Variants in BLTP1 observed in about 807,000 individuals in gnomAD.
BLTP1 encodes fragile site-associated protein.
the BLTP1 span, chr4:122,350,087 A>AG: frequency 6.2e-7 from 1 of 1,610,864 alleles, no homozygotes; most frequent in Non-Finnish European, 8.5e-7. Flanking sequence ...AAGAATTAGA[A>AG]GTAAGCTTTT....
the BLTP1 span, among the ~76,000 whole-genome samples, chr4:122,284,718 C>T: frequency 6.6e-6 from 1 of 152,176 alleles, no homozygotes; most frequent in African/African-American, 2.4e-5. Context: ...AAGATATTTA[C>T]AGAACTTTTG....
chr4:122,255,460 C>A, the BLTP1 span, among the ~76,000 whole-genome samples: 1 of 152,026 alleles, frequency 6.6e-6, no homozygotes, highest in Non-Finnish European at 1.5e-5. Flanking sequence ...AGCTGGCCAA[C>A]ATGGCAAAAC....
chr4:122,361,743 T>G, the BLTP1 span, among the ~76,000 whole-genome samples: 4 of 152,234 alleles, frequency 2.6e-5, no homozygotes, highest in Non-Finnish European at 5.9e-5. Flanking sequence ...TGTCCTTTTA[T>G]ATGTTTAAGA....
chr4:122,163,553 C>T, the BLTP1 span, among the ~76,000 whole-genome samples: 6 of 152,184 alleles, frequency 3.9e-5, no homozygotes, highest in Non-Finnish European at 1.5e-5. Flanking sequence ...ATGGGCAAGA[C>T]ACCAATAGCA....
the BLTP1 span, chr4:122,229,085 G>T: frequency 3.3e-6 from 5 of 1,516,708 alleles, no homozygotes; most frequent in South Asian, 6.5e-5. Flanking sequence ...TAAGTTGATG[G>T]TGATGATTTA....
the BLTP1 span, chr4:122,175,963 G>A: frequency 2.3e-5 from 21 of 931,584 alleles, no homozygotes; most frequent in Non-Finnish European, 3.6e-5. Context: ...ATATAATCAG[G>A]ATTTTATGAA....
chr4:122,250,595 A>G, the BLTP1 span: 14 of 1,602,114 alleles, frequency 8.7e-6, no homozygotes, highest in South Asian at 1.5e-4. Context: ...TCTAATAGTA[A>G]TAATAATGGT....
chr4:122,290,840 C>CACACACAT, the BLTP1 span: 1 of 140,572 alleles, frequency 7.1e-6, no homozygotes, highest in Non-Finnish European at 1.5e-5. Flanking sequence ...CACACACACA[C>CACACACAT]ACACACACAT....
the BLTP1 span, chr4:122,194,421 T>C: frequency 0.031 from 12,884 of 414,728 alleles, 275 homozygotes; most frequent in East Asian, 0.14. Context: ...GAAAATACTT[T>C]TCACATTATT....
the BLTP1 span, among the ~76,000 whole-genome samples, chr4:122,317,859 T>C: frequency 2.0e-5 from 3 of 152,172 alleles, no homozygotes; most frequent in Non-Finnish European, 4.4e-5. Flanking sequence ...ATGTAGAATT[T>C]TACATCCAGA....
At chr4:122,356,766 T>C in the BLTP1 span, 1 of 1,605,808 alleles carries the variant, frequency 6.2e-7, no homozygotes, top group Middle Eastern at 1.7e-4. Context: ...GTGGGTGGAA[T>C]ACTCTTTTTC....
At chr4:122,239,733 A>G in the BLTP1 span, 1 of 1,614,128 alleles carries the variant, frequency 6.2e-7, no homozygotes, top group Non-Finnish European at 8.5e-7. Flanking sequence ...AAGTGATGAG[A>G]ATGTACTAGA....
the BLTP1 span, chr4:122,261,846 A>G: frequency 1.0e-6 from 1 of 985,250 alleles, no homozygotes; most frequent in Non-Finnish European, 1.2e-6. Context: ...TCCTGTGTCA[A>G]CACCCTTCCT....
At chr4:122,249,449 T>A in the BLTP1 span, 1 of 1,605,072 alleles carries the variant, frequency 6.2e-7, no homozygotes, top group East Asian at 2.2e-5. Context: ...AGCTTATGTC[T>A]TTAAAAATGG....
the BLTP1 span, among the ~76,000 whole-genome samples, chr4:122,295,740 C>G: frequency 6.6e-6 from 1 of 152,110 alleles, no homozygotes; most frequent in Non-Finnish European, 1.5e-5. Context: ...AAAAGCTTAT[C>G]CACCACAATC....
chr4:122,339,552 C>A, the BLTP1 span: 2 of 597,050 alleles, frequency 3.3e-6, no homozygotes, highest in Non-Finnish European at 5.1e-6. Context: ...AAATCTATAG[C>A]AGACCAATGT....
the BLTP1 span, among the ~76,000 whole-genome samples, chr4:122,278,557 A>G: frequency 6.6e-6 from 1 of 152,198 alleles, no homozygotes; most frequent in Admixed American, 6.5e-5. Context: ...CTCTCTTAAT[A>G]AGCAGATGTT....
the BLTP1 span, chr4:122,246,668 T>TTG: frequency 2.5e-6 from 4 of 1,600,138 alleles, no homozygotes; most frequent in Non-Finnish European, 3.4e-6. Context: ...TTCTGAAATT[T>TTG]TGTGTGTGTG....
At chr4:122,248,688 A>T in the BLTP1 span, among the ~76,000 whole-genome samples, 3 of 152,068 alleles carry the variant, frequency 2.0e-5, no homozygotes, top group Admixed American at 6.6e-5. Flanking sequence ...ATAAATGCAA[A>T]GAATGACATT....
Sources: gnomAD v4.1 joint callset for allele counts (sites outside exome capture counted in the v4.1 genomes callset) on GRCh38, gnomAD v4.1.1 for gene constraint, MANE v1.5 for transcripts, NCBI Gene and HGNC (gene_info 2026-07-23, HGNC 2026-07-21) for gene names.